Variants in EYS observed in about 807,000 individuals in gnomAD.
EYS encodes EGF-like photoreceptor maintenance factor.
In EYS, 250 loss-of-function variants were observed where a neutral mutation model predicts 282.1. The observed-to-expected ratio is 0.89, with a 90% CI of 0.80 to 0.98. The LOEUF (loss-of-function observed/expected upper bound fraction) is 0.98, where lower values mean the gene tolerates loss of function less well. EYS is among the 50% of genes least tolerant of loss of function. The pLI is 0.00. For missense variants in EYS, 4,016 were observed against 3,709.0 expected (o/e 1.08, Z -2.15); for synonymous variants, 1,355 against 1,282.9 (o/e 1.06, Z -1.20).
chr6:64,333,144 T>C (rs1273505405), intron 29 of EYS, among the ~76,000 whole-genome samples: 1 of 151,490 alleles, frequency 6.6e-6, no homozygotes, highest in South Asian at 2.1e-4. Flanking sequence ...TCTGTGATCC[T>C]GGAAACAGGC....
At chr6:63,831,005 C>G (rs1366609098) in intron 36 of EYS, among the ~76,000 whole-genome samples, 1 of 152,248 alleles carries the variant, frequency 6.6e-6, no homozygotes, top group Non-Finnish European at 1.5e-5. Flanking sequence ...CCTTTACAGA[C>G]AAACAAATGC....
chr6:64,102,764 A>G (rs1772875342), intron 31 of EYS, among the ~76,000 whole-genome samples: 1 of 152,186 alleles, frequency 6.6e-6, no homozygotes, highest in Non-Finnish European at 1.5e-5. Context: ...TTTGATTGTA[A>G]AAGCGACATT....
At chr6:63,972,696 C>G (rs762440641) in intron 35 of EYS, among the ~76,000 whole-genome samples, 13 of 152,232 alleles carry the variant, frequency 8.5e-5, no homozygotes, top group South Asian at 2.1e-4. Context: ...CCTTAGCCCC[C>G]AACCCCCTGA....
intron 12 of EYS, among the ~76,000 whole-genome samples, chr6:65,066,535 C>T (rs755509052): frequency 2.6e-5 from 4 of 152,122 alleles, no homozygotes; most frequent in Non-Finnish European, 5.9e-5. Flanking sequence ...AAAAGTACAA[C>T]AGACCTGTTT....
At chr6:65,168,693 T>C (rs905367998) in intron 12 of EYS, among the ~76,000 whole-genome samples, 2 of 151,306 alleles carry the variant, frequency 1.3e-5, no homozygotes, top group Non-Finnish European at 3.0e-5. Context: ...CATAGTACCA[T>C]GTAAGGATAT....
At chr6:64,521,515 G>A (rs753720548) in intron 26 of EYS, among the ~76,000 whole-genome samples, 1 of 151,694 alleles carries the variant, frequency 6.6e-6, no homozygotes, top group Non-Finnish European at 1.5e-5. Flanking sequence ...GATTCAAGGA[G>A]CTTGCCCATA....
At chr6:64,564,184 A>G (rs978472189) in intron 26 of EYS, among the ~76,000 whole-genome samples, 4 of 150,820 alleles carry the variant, frequency 2.7e-5, no homozygotes, top group African/African-American at 9.7e-5. Context: ...TGTTGGTCAT[A>G]ATGGCTGTAC....
At position 64,388,744 on chromosome 6, in the gene EYS, T is replaced by C. The variant is rs1176585145; in HGVS notation, c.6024A>G (p.Pro2008=). 6 of 1,545,408 alleles carry C rather than the reference T, an allele frequency of 3.9e-6. No individual in the cohort carries two copies. The highest frequency in any genetic ancestry group is 1.2e-5 in the South Asian group (1 of 82,630). ...CACCAATGAAGACAGATCCTGATTT[T>C]GGCAGGGGTTTTCCGAGTACATGAT... ...SINHVLGKPL[P]KSGSVFIGGF... Residue 2008 remains proline (P), a synonymous_variant, in exon 29 of 43, where the codon CCA becomes CCG. Transcript: ENST00000503581.
intron 31 of EYS, among the ~76,000 whole-genome samples, chr6:64,214,555 T>C (rs113794022): frequency 0.027 from 4,123 of 152,180 alleles, 58 homozygotes; most frequent in African/African-American, 0.042. Flanking sequence ...CAATGCACAT[T>C]CCACAGGATA....
intron 26 of EYS, among the ~76,000 whole-genome samples, chr6:64,546,762 A>G (rs1764886469): frequency 6.6e-6 from 1 of 152,252 alleles, no homozygotes; most frequent in Admixed American, 6.5e-5. Flanking sequence ...GCCAAAAGAC[A>G]CATGAAAAAA....
intron 29 of EYS, among the ~76,000 whole-genome samples, chr6:64,317,634 A>T (rs887153050): frequency 3.9e-5 from 6 of 152,170 alleles, no homozygotes; most frequent in Non-Finnish European, 8.8e-5. Context: ...TTCCTCAAGG[A>T]TCTAGAACTA....
chr6:64,776,963 G>T (rs1016195836), intron 22 of EYS, among the ~76,000 whole-genome samples: 1 of 152,062 alleles, frequency 6.6e-6, no homozygotes, highest in Non-Finnish European at 1.5e-5. Flanking sequence ...CTCACAGTTC[G>T]GCATGGCTGC....
chr6:65,363,208 C>T lies in EYS; in HGVS notation c.1300-9591G>A, dbSNP rs1764782373. Among the ~76,000 whole-genome samples the T allele has an allele frequency of 9.0e-5, 8 of 88,920 alleles. No individual in the cohort carries two copies. The South Asian group carries it at 3.3e-3, about 37-fold the overall frequency. 58.3% of individuals were successfully genotyped at this position (88,920 alleles called of 152,430 possible). On this transcript the variant is annotated intron_variant, in intron 8 of 42. Transcript: ENST00000503581. ...ATGATATTAAAACTCTTTTTTTTTG[C>T]AGTTAAATCTTCCTTTTGCTCTTAT...
chr6:64,193,896 A>G (rs1765195941), intron 31 of EYS, among the ~76,000 whole-genome samples: 1 of 152,154 alleles, frequency 6.6e-6, no homozygotes, highest in African/African-American at 2.4e-5. Flanking sequence ...AATCCAGTCT[A>G]TCATTGATGG....
intron 26 of EYS, among the ~76,000 whole-genome samples, chr6:64,444,022 A>G (rs753073080): frequency 1.3e-5 from 2 of 152,208 alleles, no homozygotes; most frequent in African/African-American, 4.8e-5. Context: ...TCAAAGCTTT[A>G]GCAGAAACAT....
At chr6:65,049,061 A>C (rs1773190385) in intron 13 of EYS, among the ~76,000 whole-genome samples, 1 of 151,900 alleles carries the variant, frequency 6.6e-6, no homozygotes, top group Non-Finnish European at 1.5e-5. Context: ...CCATTTTACT[A>C]TCTATATGTA....
intron 19 of EYS, among the ~76,000 whole-genome samples, chr6:64,871,396 A>C (rs1450764221): frequency 1.3e-5 from 2 of 151,714 alleles, no homozygotes; most frequent in Non-Finnish European, 2.9e-5. Flanking sequence ...ATCCCTTTTG[A>C]AAAGATTAGG....
intron 26 of EYS, among the ~76,000 whole-genome samples, chr6:64,537,699 T>G (rs1764569900): frequency 6.6e-6 from 1 of 152,208 alleles, no homozygotes. Flanking sequence ...AGTACTTGGT[T>G]GTCCCTAAGT....
At chr6:63,755,479 A>G (rs1582175060) in intron 41 of EYS, among the ~76,000 whole-genome samples, 1 of 152,054 alleles carries the variant, frequency 6.6e-6, no homozygotes, top group East Asian at 1.9e-4. Flanking sequence ...GTTCTGTTCT[A>G]TTGGTCTGTC....
Sources: allele counts gnomAD v4.1 joint callset (sites outside exome capture counted in the v4.1 genomes callset), GRCh38; gene constraint gnomAD v4.1.1; transcripts MANE v1.5; gene names NCBI Gene and HGNC (gene_info 2026-07-23, HGNC 2026-07-21).